The following NLRP4 variants were observed in gnomAD, a reference collection of about 807,000 sequenced individuals.
NLRP4 encodes the protein NLR family pyrin domain containing 4.
NLRP4 carries 44 observed loss-of-function variants against 84.7 expected under a neutral mutation model. That is an observed-to-expected ratio of 0.52 (90% CI 0.41 to 0.67). The LOEUF (loss-of-function observed/expected upper bound fraction) is 0.67. Ranked by LOEUF, NLRP4 falls within the 30% of genes least tolerant of loss-of-function variation. The probability of loss-of-function intolerance (pLI) is 0.00; values close to 1 mark genes in which losing one functional copy is unlikely to be tolerated. For synonymous variants in NLRP4, 544 were observed against 476.4 expected (o/e 1.14, Z -1.85); for missense variants, 1,260 against 1,219.4 (o/e 1.03, Z -0.50).
chr19:55,862,001 C>T lies in NLRP4; in HGVS notation c.2028C>T (p.Asn676=), dbSNP rs371685855. ...SCRLQKLGIN[N]VSFSGQSVLL... ...TTCTTTGTTTTTGCAGAATAAATAA[C>T]GTTTCCTTTTCTGGCCAGAGTGTTC... The change falls in exon 5 of 10, where the codon AAC becomes AAT. Residue 676 remains asparagine (N), a synonymous_variant. Transcript: ENST00000301295. 162 of 1,612,860 alleles carry T rather than the reference C, an allele frequency of 1.0e-4. No individual in the cohort carries two copies. Among genetic ancestry groups the T allele is most frequent in the Non-Finnish European group, 1.3e-4 (154 of 1,179,142 alleles).
chr19:55,852,833 G>C (rs191787556), intron 2 of NLRP4, among the ~76,000 whole-genome samples: 6 of 152,212 alleles, frequency 3.9e-5, no homozygotes, highest in Non-Finnish European at 7.4e-5. Flanking sequence ...GGTTACATGT[G>C]GGTAAAATGT....
At chr19:55,844,831 TC>T (rs764838050) in intron 1 of NLRP4, among the ~76,000 whole-genome samples, 18 of 151,828 alleles carry the variant, frequency 1.2e-4, no homozygotes, top group Non-Finnish European at 1.3e-4. Context: ...CAGAAAAGAG[TC>T]CCTGGTGATT....
intron 5 of NLRP4, among the ~76,000 whole-genome samples, chr19:55,864,112 G>A (rs1024445852): frequency 6.6e-6 from 1 of 152,146 alleles, no homozygotes; most frequent in Admixed American, 6.5e-5. Flanking sequence ...GCTTTAAAAT[G>A]TACAGTTTAG....
At chr19:55,865,189 C>G (rs908402602) in intron 5 of NLRP4, among the ~76,000 whole-genome samples, 1 of 152,084 alleles carries the variant, frequency 6.6e-6, no homozygotes, top group Non-Finnish European at 1.5e-5. Flanking sequence ...TTCTTCATGT[C>G]TATATGTACT....
At chr19:55,868,496 T>A (rs1985048978) in intron 6 of NLRP4, among the ~76,000 whole-genome samples, 1 of 122,922 alleles carries the variant, frequency 8.1e-6, no homozygotes, top group South Asian at 2.8e-4. Flanking sequence ...TATATATGCA[T>A]TTGTGTCTTT....
chr19:55,842,164 T>C (rs998042613), intron 1 of NLRP4, among the ~76,000 whole-genome samples: 2 of 152,242 alleles, frequency 1.3e-5, no homozygotes, highest in Non-Finnish European at 2.9e-5. Context: ...TTTGCATGTT[T>C]AGTCTTTCAA....
rs1984698605 is a variant in NLRP4, at chr19:55,860,282, G to A, written c.1856+1033G>A. The stretch of plus-strand genomic sequence containing the variant: ...TTACAGGCGTGAGCCACCGTGCCCG[G>A]CCAAATCATATACATTTTAACTTAC... On this transcript the variant is annotated intron_variant, in intron 3 of 9. Transcript: ENST00000301295. Among the ~76,000 whole-genome samples, 4 of 152,156 alleles carry A rather than the reference G, an allele frequency of 2.6e-5. No individual in the cohort carries two copies. In the South Asian group the frequency reaches 8.3e-4, roughly 32 times the overall value.
rs1175321038 is a variant in NLRP4, at chr19:55,852,030, T to C, written c.-51T>C. The C allele has an allele frequency of 3.7e-6, 5 of 1,351,740 alleles. No individual in the cohort carries two copies. The highest frequency in any genetic ancestry group is 5.2e-6 in the Non-Finnish European group (5 of 968,642). 83.7% of individuals were successfully genotyped at this position (1,351,740 alleles called of 1,614,324 possible). On this transcript the variant is annotated 5_prime_UTR_variant, in exon 2 of 10. Transcript: ENST00000301295. ...ATTTTCTACAGGTTTTATTTATTTA[T>C]TGTTCCTGGTCACTGTCTCTTTGAG...
At chr19:55,842,706 T>G (rs1168981042) in intron 1 of NLRP4, among the ~76,000 whole-genome samples, 1 of 152,108 alleles carries the variant, frequency 6.6e-6, no homozygotes, top group Non-Finnish European at 1.5e-5. Flanking sequence ...ATAGTGTAAG[T>G]CTTCTGTTGG....
intron 1 of NLRP4, among the ~76,000 whole-genome samples, chr19:55,849,632 G>C (rs77303305): frequency 2.6e-5 from 4 of 152,236 alleles, no homozygotes; most frequent in Non-Finnish European, 4.4e-5. Context: ...TGGAAGAGAC[G>C]ATCTGCCTCC....
At chr19:55,847,536 G>A (rs1983843355) in intron 1 of NLRP4, among the ~76,000 whole-genome samples, 1 of 151,934 alleles carries the variant, frequency 6.6e-6, no homozygotes, top group South Asian at 2.1e-4. Context: ...TTTTAGACTT[G>A]TTTTAGACAC....
intron 5 of NLRP4, among the ~76,000 whole-genome samples, chr19:55,866,638 C>G (rs373816937): frequency 6.6e-6 from 1 of 152,200 alleles, no homozygotes; most frequent in African/African-American, 2.4e-5. Context: ...TTCAAGGCTT[C>G]TTCCATGTTC....
intron 7 of NLRP4, among the ~76,000 whole-genome samples, chr19:55,876,536 T>A (rs923890648): frequency 1.3e-5 from 2 of 151,824 alleles, no homozygotes; most frequent in Admixed American, 6.6e-5. Context: ...TTTTTGTGTT[T>A]TTTTTAGTAG....
At position 55,850,003 on chromosome 19, in the gene NLRP4, T is replaced by TAATTTCC. The variant is rs1983988632; in HGVS notation, c.-65-2013_-65-2012insAATTTCC. On this transcript the variant is annotated intron_variant, in intron 1 of 9. Coordinates refer to ENST00000301295, the MANE Select transcript of NLRP4 (RefSeq NM_134444.5). Reference sequence around the variant, plus strand: ...CGGTGTAATTTCCGAGACTGCGGTGTGATTTCCGAGACTGCGGTGTGATTT... The same window carrying TAATTTCC: ...CGGTGTAATTTCCGAGACTGCGGTGTAATTTCCGATTTCCGAGACTGCGGTGTGATTT... 1.4e-4 allele frequency among the ~76,000 whole-genome samples: 5 copies of TAATTTCC among 37,018 alleles called. 1 individual carries two copies. Among genetic ancestry groups the TAATTTCC allele is most frequent in the Admixed American group, 4.6e-4 (1 of 2,168 alleles). 24.3% of individuals were successfully genotyped at this position (37,018 alleles called of 152,430 possible). A position where few individuals can be genotyped will look rare whatever the true frequency, so the allele number is the denominator to read the frequency against.
intron 2 of NLRP4, among the ~76,000 whole-genome samples, chr19:55,856,055 G>A (rs1984397569): frequency 6.6e-6 from 1 of 152,198 alleles, no homozygotes; most frequent in African/African-American, 2.4e-5. Flanking sequence ...TTACAGTGGT[G>A]CAATCTCTGC....
rs1175234015 is a variant in NLRP4, at chr19:55,859,052, A to G, written c.1659A>G (p.Ile553Met). The G allele has an allele frequency of 6.2e-7, 1 of 1,613,854 alleles. No individual in the cohort carries two copies. The highest frequency in any genetic ancestry group is 1.1e-5 in the South Asian group (1 of 91,076). Residue 553 changes from isoleucine to methionine, a missense_variant, in exon 3 of 10, where the codon ATA (isoleucine) becomes ATG (methionine). This residue lies in a region of NLRP4 where 4 missense variants were observed against 18.5 expected (regional missense o/e 0.22). Transcript: ENST00000301295. ...NPQGQVDSLAIFYCLFEMQDP... is the reference protein window; with the variant it reads ...NPQGQVDSLAMFYCLFEMQDP... ...AGGGACAGGTGGATTCCTTGGCGATATTTTACTGTCTCTTTGAAATGCAGG... is the reference window on the plus strand; with the variant it reads ...AGGGACAGGTGGATTCCTTGGCGATGTTTTACTGTCTCTTTGAAATGCAGG...
chr19:55,868,432 G>T lies in NLRP4; in HGVS notation c.2354+556G>T, dbSNP rs559228435. 8.8e-4 allele frequency among the ~76,000 whole-genome samples: 133 copies of T among 152,000 alleles called. 2 individuals are homozygous for T. In the South Asian group the frequency reaches 0.026, roughly 29 times the overall value. ...AAGGCCAATTGATTTACCTATTAAT[G>T]GAATTCTAATACCTTTAGGTGATAC... On this transcript the variant is annotated intron_variant, in intron 6 of 9. Coordinates refer to ENST00000301295, the MANE Select transcript of NLRP4 (RefSeq NM_134444.5).
At chr19:55,856,493 T>G (rs1484099586) in intron 2 of NLRP4, among the ~76,000 whole-genome samples, 2 of 150,244 alleles carry the variant, frequency 1.3e-5, no homozygotes, top group African/African-American at 2.5e-5. Context: ...TAGGGCTTGG[T>G]CATCACTGTT....
intron 1 of NLRP4, among the ~76,000 whole-genome samples, chr19:55,850,259 G>A (rs1452147684): frequency 7.3e-6 from 1 of 137,078 alleles, no homozygotes; most frequent in Non-Finnish European, 1.5e-5. Flanking sequence ...CCGAGGCTGC[G>A]GTGTAATTTC....
Sources: gnomAD v4.1 joint callset for allele counts (sites outside exome capture counted in the v4.1 genomes callset) on GRCh38, gnomAD v4.1.1 for gene constraint, gnomAD v4.1.1 regional missense constraint, MANE v1.5 for transcripts, NCBI Gene and HGNC (gene_info 2026-07-23, HGNC 2026-07-21) for gene names.